The following GSE1 variants were observed in gnomAD, a reference collection of about 807,000 sequenced individuals.
GSE1 encodes the protein Gse1 coiled-coil protein.
In GSE1, 32 loss-of-function variants were observed where a neutral mutation model predicts 112.6. That is an observed-to-expected ratio of 0.28 (90% CI 0.21 to 0.38). The LOEUF (loss-of-function observed/expected upper bound fraction) is 0.38, where lower values mean the gene tolerates loss of function less well. Ranked by LOEUF, GSE1 falls within the 10% of genes least tolerant of loss-of-function variation. The pLI is 1.00. For missense variants in GSE1, 2,348 were observed against 1,699.2 expected (o/e 1.38, Z -6.71); for synonymous variants, 1,115 against 735.6 (o/e 1.52, Z -8.35).
At chr16:85,259,684 G>C (rs183822210) in intron 1 of GSE1, among the ~76,000 whole-genome samples, 2 of 152,310 alleles carry the variant, frequency 1.3e-5, no homozygotes, top group Non-Finnish European at 2.9e-5. Flanking sequence ...ATTGAGAGCA[G>C]TAACAGTCCC....
intron 2 of GSE1, chr16:85,357,680 G>T (rs1174419193): frequency 8.0e-7 from 1 of 1,257,540 alleles, no homozygotes; most frequent in Admixed American, 2.3e-5. Context: ...TGGGTACTGG[G>T]CTGGGATGCG....
intron 2 of GSE1, among the ~76,000 whole-genome samples, chr16:85,362,140 G>A (rs1176641431): frequency 1.3e-5 from 2 of 152,254 alleles, no homozygotes; most frequent in Non-Finnish European, 2.9e-5. Flanking sequence ...TGGCAGGCAA[G>A]GCCCAAACGG....
At chr16:85,498,658 A>C (rs551203992) in intron 2 of GSE1, among the ~76,000 whole-genome samples, 1 of 152,320 alleles carries the variant, frequency 6.6e-6, no homozygotes, top group Non-Finnish European at 1.5e-5. Context: ...GACACCCCCC[A>C]CACTCACACG....
chr16:85,602,424 G>A (rs531374992), intron 1 of GSE1, among the ~76,000 whole-genome samples: 15 of 152,170 alleles, frequency 9.9e-5, no homozygotes, highest in Non-Finnish European at 1.6e-4. Context: ...GAGGCTTCTT[G>A]GGGGCTAATG....
chr16:85,274,170 G>C (rs945427064), intron 1 of GSE1, among the ~76,000 whole-genome samples: 20 of 151,622 alleles, frequency 1.3e-4, no homozygotes, highest in Non-Finnish European at 2.6e-4. Flanking sequence ...TGGATCACGA[G>C]GTTAGGAGTT....
intron 1 of GSE1, among the ~76,000 whole-genome samples, chr16:85,627,044 C>T (rs540952686): frequency 8.8e-4 from 22 of 25,068 alleles, no homozygotes; most frequent in East Asian, 1.8e-3. Context: ...TTCTTCTTGC[C>T]TTTTTTTTTT....
intron 2 of GSE1, among the ~76,000 whole-genome samples, chr16:85,379,280 A>G (rs2047492765): frequency 6.6e-6 from 1 of 152,174 alleles, no homozygotes; most frequent in Admixed American, 6.5e-5. Flanking sequence ...TGGTGTCCAC[A>G]CTAGCTGAGC....
At chr16:85,541,130 GC>G (rs1231967736) in intron 2 of GSE1, among the ~76,000 whole-genome samples, 1 of 152,148 alleles carries the variant, frequency 6.6e-6, no homozygotes, top group Non-Finnish European at 1.5e-5. Flanking sequence ...GGAGTAGGCA[GC>G]TGCATGGAAT....
At chr16:85,612,092 G>A (rs2048022597), upstream of GSE1, among the ~76,000 whole-genome samples, 1 of 151,974 alleles carries the variant, frequency 6.6e-6, no homozygotes, top group Admixed American at 6.5e-5. Context: ...AAGAGGATGA[G>A]GAGGGAGCGA....
At chr16:85,223,038 G>C (rs545721466) in intron 1 of GSE1, among the ~76,000 whole-genome samples, 1 of 152,130 alleles carries the variant, frequency 6.6e-6, no homozygotes, top group East Asian at 1.9e-4. Flanking sequence ...GTTTTTTTCT[G>C]GTTAGGCATG....
At chr16:85,331,653 A>G (rs200609329) in intron 1 of GSE1, among the ~76,000 whole-genome samples, 10 of 115,004 alleles carry the variant, frequency 8.7e-5, no homozygotes, top group Non-Finnish European at 1.6e-4. Context: ...GTATATATAT[A>G]TGTGTATATG....
At chr16:85,217,002 G>A (rs984456226) in intron 1 of GSE1, among the ~76,000 whole-genome samples, 1 of 152,234 alleles carries the variant, frequency 6.6e-6, no homozygotes, top group African/African-American at 2.4e-5. Context: ...AAGGAGCGGG[G>A]CGCTGTGGTT....
intron 1 of GSE1, among the ~76,000 whole-genome samples, chr16:85,318,284 G>A (rs1438300006): frequency 6.6e-6 from 1 of 152,202 alleles, no homozygotes; most frequent in Non-Finnish European, 1.5e-5. Context: ...TGGATGGGGG[G>A]ATAGGGTCTT....
chr16:85,228,780 C>G (rs999671921), intron 1 of GSE1, among the ~76,000 whole-genome samples: 1 of 152,166 alleles, frequency 6.6e-6, no homozygotes, highest in African/African-American at 2.4e-5. Flanking sequence ...GCCCAGAAGA[C>G]CAGTTGGCAG....
chr16:85,359,029 C>T (rs944859120), intron 2 of GSE1, among the ~76,000 whole-genome samples: 3 of 151,992 alleles, frequency 2.0e-5, no homozygotes, highest in Admixed American at 6.6e-5. Flanking sequence ...AGCCAGGACC[C>T]GAGCGTGTTT....
chr16:85,541,869 G>A (rs1598116853), intron 2 of GSE1, among the ~76,000 whole-genome samples: 1 of 152,332 alleles, frequency 6.6e-6, no homozygotes. Flanking sequence ...GAAGGGGAGA[G>A]CAGTCTCCCT....
intron 9 of GSE1, 57 bp downstream of exon 9, chr16:85,661,822 G>C: frequency 7.0e-7 from 1 of 1,422,134 alleles, no homozygotes; most frequent in Non-Finnish European, 9.3e-7. Context: ...TGGGGATGGG[G>C]AGCCTGCATG....
chr16:85,218,469 G>A (rs897843822), intron 1 of GSE1, among the ~76,000 whole-genome samples: 1 of 152,218 alleles, frequency 6.6e-6, no homozygotes, highest in Non-Finnish European at 1.5e-5. Context: ...CGGAGTGCCA[G>A]GCACACTTCT....
intron 1 of GSE1, among the ~76,000 whole-genome samples, chr16:85,598,703 G>T (rs999332697): frequency 2.0e-5 from 3 of 152,238 alleles, no homozygotes; most frequent in African/African-American, 7.2e-5. Flanking sequence ...TGGGGCAAGG[G>T]TTTGCATCCC....
Sources: gnomAD v4.1 joint callset for allele counts (sites outside exome capture counted in the v4.1 genomes callset) on GRCh38, gnomAD v4.1.1 for gene constraint, MANE v1.5 for transcripts, NCBI Gene and HGNC (gene_info 2026-07-23, HGNC 2026-07-21) for gene names.